HERC1: variants seen among roughly 807,000 people sequenced by gnomAD.
HERC1 encodes probable E3 ubiquitin-protein ligase HERC1.
Under a neutral mutation model 554.3 loss-of-function variants are expected in HERC1, and 160 were observed. The observed-to-expected ratio is 0.29, with a 90% CI of 0.25 to 0.33. The LOEUF (loss-of-function observed/expected upper bound fraction) is 0.33, where lower values mean the gene tolerates loss of function less well. Among genes scored for constraint, HERC1 ranks in the 10% least tolerant of loss-of-function variants. HERC1 has a pLI of 1.00. For synonymous variants in HERC1, 2,175 were observed against 2,131.7 expected (o/e 1.02, Z -0.56); for missense variants, 4,919 against 5,918.5 (o/e 0.83, Z 5.54).
rs16947382 is a variant in HERC1 at position 63,711,365 on chromosome 15, T to C, written c.4584+1410A>G. Among the ~76,000 whole-genome samples, 1,145 of 152,222 alleles carry C rather than the reference T, an allele frequency of 7.5e-3. 15 individuals carry two copies. Among genetic ancestry groups the C allele is most frequent in the African/African-American group, 0.026 (1,100 of 41,510 alleles). ...TTAGGAGACTAGATAATGAGTCAGA[T>C]TGATCAGATTTAAAAAATTAACTGA... On this transcript the variant is annotated intron_variant, in intron 24 of 77. Transcript: ENST00000443617.
In HERC1 at chr15:63,694,933, C is replaced by T. The variant is rs891773201; in HGVS notation, c.5122-39G>A. ...AAAGAATTACTTTTTCTATTAGCAA[C>T]AATAATACCTGCTTGCAAAAAGAAG... is the stretch of plus-strand genomic sequence containing the variant. On this transcript the variant is annotated intron_variant, in intron 27 of 77. Transcript: ENST00000443617. This position sits in a 1 kb window ranked among gnomAD's most constrained non-coding sequence, Gnocchi z 4.3. 1.3e-5 allele frequency: 21 copies of T among 1,572,344 alleles called. No homozygotes were observed. The highest frequency in any genetic ancestry group is 3.4e-4 in the Middle Eastern group (2 of 5,884).
intron 75 of HERC1, 108 bp downstream of exon 75, chr15:63,616,322 C>T: frequency 8.3e-7 from 1 of 1,202,260 alleles, no homozygotes; most frequent in Non-Finnish European, 1.2e-6. Context: ...TGGCATTGTT[C>T]AGCCAGACAG....
intron 1 of HERC1, among the ~76,000 whole-genome samples, chr15:63,793,121 G>A (rs1303235045): frequency 6.6e-6 from 1 of 152,266 alleles, no homozygotes; most frequent in Non-Finnish European, 1.5e-5. Context: ...CCACCCTCCA[G>A]GAACTGCCAG....
intron 57 of HERC1, 68 bp downstream of exon 57, chr15:63,644,924 G>T (rs2069255140): frequency 8.4e-7 from 1 of 1,194,394 alleles, no homozygotes. Flanking sequence ...AGTAACCAAG[G>T]GAGAATGACT....
chr15:63,807,721 C>T (rs1402713346), intron 1 of HERC1, among the ~76,000 whole-genome samples: 2 of 152,186 alleles, frequency 1.3e-5, no homozygotes, highest in Non-Finnish European at 2.9e-5. Context: ...CCAACTGTCT[C>T]TGCTCTAGTC....
chr15:63,612,391 C>T lies in HERC1; in HGVS notation c.14260G>A (p.Val4754Met). ...YREVDEQHQL[V>M]QWFWHTLEEF... is the part of the protein sequence containing the mutation. ...TCCAGCGTGTGCCAGAACCACTGCA[C>T]CAGCTGATGCTGCTCATCCACCTCA... Residue 4754 changes from valine (V) to methionine (M), a missense_variant, in exon 77 of 78, where the codon GTG becomes ATG. By Grantham distance (21) the Val-to-Met change is conservative. This residue lies in a region of HERC1 where 284 missense variants were observed against 294.1 expected (regional missense o/e 0.97). Coordinates refer to ENST00000443617, the MANE Select transcript of HERC1 (RefSeq NM_003922.4). This position sits in a 1 kb window ranked among gnomAD's most constrained non-coding sequence, Gnocchi z 5.0. 6.2e-7 allele frequency: 1 copy of T among 1,614,054 alleles called. No individual in the cohort carries two copies. The highest frequency in any genetic ancestry group is 8.5e-7 in the Non-Finnish European group (1 of 1,179,900).
chr15:63,724,471 T>A (rs2073954759), intron 18 of HERC1, among the ~76,000 whole-genome samples: 5 of 152,206 alleles, frequency 3.3e-5, no homozygotes, highest in African/African-American at 1.2e-4. Context: ...TCTCCAACCC[T>A]CCAAATCCCA....
rs574049482 is a variant in HERC1, at chr15:63,662,966, C to T, written c.8901+18G>A. On this transcript the variant is annotated intron_variant, in intron 44 of 77. Coordinates refer to ENST00000443617, the MANE Select transcript of HERC1 (RefSeq NM_003922.4). ...CAGGAAAATAAGTCAGAGCAGCCCC[C>T]GCTGCAGTCACACACACCCAGGTAG... is the stretch of plus-strand genomic sequence containing the variant. 20 of 1,591,462 alleles carry T rather than the reference C, an allele frequency of 1.3e-5. No homozygotes were observed. The Middle Eastern group carries it at 5.0e-4, about 40-fold the overall frequency.
At chr15:63,678,433 A>G (rs895155815) in intron 36 of HERC1, 68 bp from the exon 37 acceptor site, 10 of 1,459,902 alleles carry the variant, frequency 6.8e-6, no homozygotes, top group Admixed American at 2.7e-5. Context: ...TATAAATTCT[A>G]ACATGTAGAA....
At chr15:63,808,335 T>G (rs2077195343) in intron 1 of HERC1, among the ~76,000 whole-genome samples, 2 of 152,204 alleles carry the variant, frequency 1.3e-5, no homozygotes, top group South Asian at 4.1e-4. Context: ...TTGCCTAGAT[T>G]AGACTGCAGT....
At chr15:63,760,435 C>CAAAAAAAAAAAAAAAAAAAAAAACAAAA (rs34164820) in intron 3 of HERC1, among the ~76,000 whole-genome samples, 1 of 91,424 alleles carries the variant, frequency 1.1e-5, no homozygotes, top group Non-Finnish European at 2.0e-5. Flanking sequence ...AGACACCATC[C>CAAAAAAAAAAAAAAAAAAAAAAACAAAA]AAAAAAAAAA....
At chr15:63,635,023 G>T in intron 65 of HERC1, 135 bp from the exon 66 acceptor site, 2 of 593,614 alleles carry the variant, frequency 3.4e-6, no homozygotes, top group Non-Finnish European at 5.5e-6. Flanking sequence ...AAAGACCAAT[G>T]CTTTTAAAAA....
At chr15:63,666,502 T>C (rs767446557) in intron 40 of HERC1, 30 bp from the exon 41 acceptor site, 11 of 1,343,208 alleles carry the variant, frequency 8.2e-6, no homozygotes, top group Non-Finnish European at 6.3e-6. Context: ...AATAAGAACC[T>C]AAATATCACT....
At chr15:63,666,268 G>A in intron 41 of HERC1, 88 bp downstream of exon 41, 1 of 1,370,802 alleles carries the variant, frequency 7.3e-7, no homozygotes, top group Non-Finnish European at 1.0e-6. Context: ...ATCTTACCAA[G>A]TTTCATAGCC....
intron 24 of HERC1, among the ~76,000 whole-genome samples, 177 bp downstream of exon 24, chr15:63,712,598 G>A (rs2073356665): frequency 1.3e-5 from 2 of 152,280 alleles, no homozygotes; most frequent in South Asian, 4.1e-4. Flanking sequence ...ACAAGAGATT[G>A]AAACCATTAA....
intron 1 of HERC1, among the ~76,000 whole-genome samples, chr15:63,788,811 G>A (rs1298459902): frequency 1.3e-5 from 2 of 150,360 alleles, no homozygotes; most frequent in Admixed American, 1.3e-4. Context: ...CAGCTACTTG[G>A]AGGCTGGGGC....
intron 18 of HERC1, among the ~76,000 whole-genome samples, chr15:63,724,216 G>A (rs1269455623): frequency 6.6e-6 from 1 of 152,138 alleles, no homozygotes; most frequent in Non-Finnish European, 1.5e-5. Context: ...AGATACTTTT[G>A]TTCTCAGGAG....
At chr15:63,777,070 T>C (rs975507346) in intron 1 of HERC1, among the ~76,000 whole-genome samples, 5 of 152,202 alleles carry the variant, frequency 3.3e-5, no homozygotes, top group South Asian at 2.1e-4. Context: ...ATGTCACTTA[T>C]AATAGCTGGT....
At chr15:63,660,367 A>C (rs1366028304) in intron 46 of HERC1, among the ~76,000 whole-genome samples, 2 of 152,164 alleles carry the variant, frequency 1.3e-5, no homozygotes, top group East Asian at 3.8e-4. Context: ...ACATACATAA[A>C]ATGCAGATGG....
Sources: allele counts gnomAD v4.1 joint callset (sites outside exome capture counted in the v4.1 genomes callset), GRCh38; gene constraint gnomAD v4.1.1; regional missense constraint gnomAD v4.1.1; non-coding constraint Gnocchi (gnomAD v3.1); transcripts MANE v1.5; gene names NCBI Gene and HGNC (gene_info 2026-07-23, HGNC 2026-07-21).